Variants in HERC2 observed in about 807,000 individuals in gnomAD.
HERC2 encodes E3 ubiquitin-protein ligase HERC2.
Under a neutral mutation model 537.7 loss-of-function variants are expected in HERC2, and 102 were observed. The observed-to-expected ratio is 0.19, with a 90% CI of 0.16 to 0.22. HERC2 has a LOEUF of 0.22. Among genes scored for constraint, HERC2 ranks in the 10% least tolerant of loss-of-function variants. The probability of loss-of-function intolerance (pLI) is 1.00; values close to 1 mark genes in which losing one functional copy is unlikely to be tolerated. For synonymous variants in HERC2, 2,224 were observed against 2,466.2 expected (o/e 0.90, Z 2.91); for missense variants, 4,236 against 6,198.2 (o/e 0.68, Z 10.63).
intron 15 of HERC2, among the ~76,000 whole-genome samples, chr15:28,262,669 T>TGG (rs151323226): frequency 0.22 from 33,528 of 152,148 alleles, 7,320 homozygotes; most frequent in African/African-American, 0.55. Flanking sequence ...CCACAGAAAG[T>TGG]CAACTCAACA....
At position 28,176,635 on chromosome 15, in the gene HERC2, T is replaced by C. The variant is rs1353213417; in HGVS notation, c.9515-36A>G. The C allele has an allele frequency of 1.9e-6, 3 of 1,613,776 alleles. No individual in the cohort carries two copies. The highest frequency in any genetic ancestry group is 2.5e-6 in the Non-Finnish European group (3 of 1,179,840). On this transcript the variant is annotated intron_variant, in intron 62 of 92. Transcript: ENST00000261609. The surrounding 1 kb of genome is among the most constrained non-coding windows in gnomAD (Gnocchi z 5.0). ...GAAACACATATACTTCAGGCCAGCGTTTCATATCATTCCTACCCACCCAGA... is the reference window on the plus strand; with the variant it reads ...GAAACACATATACTTCAGGCCAGCGCTTCATATCATTCCTACCCACCCAGA...
intron 69 of HERC2, among the ~76,000 whole-genome samples, chr15:28,153,294 G>A (rs370720005): frequency 9.6e-4 from 146 of 151,774 alleles, no homozygotes; most frequent in African/African-American, 3.4e-3. Flanking sequence ...CAGAGGTTGC[G>A]GTGAGCCGAG....
Position 28,293,044 on chromosome 15 carries a change from A to T in HERC2, c.188-22T>A, listed in dbSNP as rs374126684. ...TCATCTGCAGAATTAAAAATTTTTTAATCTGTCACCGCTTTTCAGAATGCC... is the reference window on the plus strand; with the variant it reads ...TCATCTGCAGAATTAAAAATTTTTTTATCTGTCACCGCTTTTCAGAATGCC... On this transcript the variant is annotated intron_variant, in intron 3 of 92. Transcript: ENST00000261609. 97 of 1,597,764 alleles carry T rather than the reference A, an allele frequency of 6.1e-5. No individual in the cohort carries two copies. The African/African-American group carries it at 1.2e-3, about 19-fold the overall frequency.
intron 23 of HERC2, among the ~76,000 whole-genome samples, chr15:28,244,761 C>A (rs922391789): frequency 6.6e-6 from 1 of 152,084 alleles, no homozygotes; most frequent in African/African-American, 2.4e-5. Flanking sequence ...AAATAAAAAA[C>A]CATGTTCAAT....
At chr15:28,287,066 A>G (rs1391096170) in intron 4 of HERC2, among the ~76,000 whole-genome samples, 1 of 152,214 alleles carries the variant, frequency 6.6e-6, no homozygotes, top group African/African-American at 2.4e-5. Context: ...AATTCTTTCA[A>G]CTTTTCTGTA....
chr15:28,199,319 C>T (rs967255982), intron 48 of HERC2, among the ~76,000 whole-genome samples: 6 of 152,148 alleles, frequency 3.9e-5, no homozygotes, highest in African/African-American at 1.4e-4. Flanking sequence ...TCAAAGATTA[C>T]TGGGTTCACT....
At chr15:28,313,871 G>T (rs532686040) in intron 2 of HERC2, among the ~76,000 whole-genome samples, 1 of 152,204 alleles carries the variant, frequency 6.6e-6, no homozygotes, top group South Asian at 2.1e-4. Flanking sequence ...AAGCAAGCAG[G>T]GATGAGACTG....
At chr15:28,226,446 GA>G (rs1185324919) in intron 35 of HERC2, among the ~76,000 whole-genome samples, 1 of 151,840 alleles carries the variant, frequency 6.6e-6, no homozygotes, top group Non-Finnish European at 1.5e-5. Context: ...TGAGAGTCCA[GA>G]AATAAACCTA....
chr15:28,261,805 T>C (rs1286319439), intron 15 of HERC2, among the ~76,000 whole-genome samples: 1 of 152,118 alleles, frequency 6.6e-6, no homozygotes, highest in African/African-American at 2.4e-5. Flanking sequence ...CTCTCAGTCA[T>C]CAAAATATTA....
rs201872292 is a variant in HERC2, at chr15:28,230,479, G to A, written c.4697C>T (p.Thr1566Met). Residue 1566 changes from threonine (T) to methionine (M), a missense_variant, in exon 31 of 93, where the codon ACG becomes ATG. By Grantham distance (81) the Thr-to-Met change is moderately conservative. Transcript: ENST00000261609. ...GTTTCCAATTTTTTCTTCATCATCCGTAGATTCTGGCTTCTTAGGAACTGT... is the reference window on the plus strand; with the variant it reads ...GTTTCCAATTTTTTCTTCATCATCCATAGATTCTGGCTTCTTAGGAACTGT... ...KKRVPKKPESTDDEEKIGNEE... is the reference protein window; with the variant it reads ...KKRVPKKPESMDDEEKIGNEE... The A allele has an allele frequency of 0.096, 124,827 of 1,301,828 alleles. 9,415 individuals are homozygous for A. Among genetic ancestry groups the A allele is most frequent in the East Asian group, 0.3 (12,849 of 43,138 alleles). The allele number at this position is 1,301,828 out of a possible 1,614,324, so 80.6% of individuals were successfully genotyped here. A position where few individuals can be genotyped will look rare whatever the true frequency, so the allele number is the denominator to read the frequency against.
chr15:28,277,310 G>A (rs1388034439), intron 5 of HERC2, among the ~76,000 whole-genome samples: 1 of 151,986 alleles, frequency 6.6e-6, no homozygotes, highest in Non-Finnish European at 1.5e-5. Flanking sequence ...GTAAAACTGG[G>A]AAAATCTGAA....
At chr15:28,209,067 A>T (rs1898816866) in intron 44 of HERC2, among the ~76,000 whole-genome samples, 1 of 152,228 alleles carries the variant, frequency 6.6e-6, no homozygotes, top group Admixed American at 6.5e-5. Context: ...AAGACAGCCA[A>T]ATTCCACCAA....
At chr15:28,189,856 A>C (rs542230565) in intron 55 of HERC2, among the ~76,000 whole-genome samples, 31 of 152,340 alleles carry the variant, frequency 2.0e-4, no homozygotes, top group African/African-American at 6.7e-4. Flanking sequence ...TGAATGGTTA[A>C]CTACATTTAA....
chr15:28,121,644 G>A (rs1455235360), intron 85 of HERC2, among the ~76,000 whole-genome samples: 3 of 152,162 alleles, frequency 2.0e-5, no homozygotes, highest in Admixed American at 6.5e-5. Context: ...GCCAATGGCC[G>A]GGCAAGAGGC....
chr15:28,123,082 T>G (rs1043099650), intron 85 of HERC2, among the ~76,000 whole-genome samples: 1 of 152,208 alleles, frequency 6.6e-6, no homozygotes, highest in African/African-American at 2.4e-5. Context: ...CCAAGATTTC[T>G]TCTGCCTCTC....
chr15:28,267,525 G>A (rs2075601608), intron 12 of HERC2, among the ~76,000 whole-genome samples: 1 of 152,294 alleles, frequency 6.6e-6, no homozygotes, highest in South Asian at 2.1e-4. Context: ...ACAATCCAGT[G>A]TGAGAGTAAC....
At chr15:28,228,144 A>AT in intron 35 of HERC2, 74 bp downstream of exon 35, 1 of 1,238,330 alleles carries the variant, frequency 8.1e-7, no homozygotes, top group Non-Finnish European at 1.1e-6. Flanking sequence ...AAAAAAAAAA[A>AT]GAAAAGAAAA....
At chr15:28,263,612 T>A (rs1224406261) in intron 14 of HERC2, among the ~76,000 whole-genome samples, 2 of 152,194 alleles carry the variant, frequency 1.3e-5, no homozygotes, top group Non-Finnish European at 2.9e-5. Flanking sequence ...CATATCAGCA[T>A]AATTATGTAA....
chr15:28,290,630 T>G (rs2076286124), intron 4 of HERC2, among the ~76,000 whole-genome samples: 1 of 152,208 alleles, frequency 6.6e-6, no homozygotes, highest in South Asian at 2.1e-4. Context: ...GTTCTCTGAC[T>G]ACAACTAATT....
Sources: allele counts gnomAD v4.1 joint callset (sites outside exome capture counted in the v4.1 genomes callset), GRCh38; gene constraint gnomAD v4.1.1; non-coding constraint Gnocchi (gnomAD v3.1); transcripts MANE v1.5; gene names NCBI Gene and HGNC (gene_info 2026-07-23, HGNC 2026-07-21).